CSMD1: variants seen among roughly 807,000 people sequenced by gnomAD.
CSMD1 encodes the protein CUB and sushi domain-containing protein 1.
Under a neutral mutation model 417.5 loss-of-function variants are expected in CSMD1, and 213 were observed. That is an observed-to-expected ratio of 0.51 (90% CI 0.46 to 0.57). The LOEUF (loss-of-function observed/expected upper bound fraction) is 0.57, where lower values mean the gene tolerates loss of function less well. Among genes scored for constraint, CSMD1 ranks in the 20% least tolerant of loss-of-function variants. The pLI is 0.00. For missense variants in CSMD1, 6,923 were observed against 4,529.7 expected (o/e 1.53, Z -15.17); for synonymous variants, 2,862 against 1,736.8 (o/e 1.65, Z -16.11).
At chr8:3,926,412 A>G (rs1042161384) in intron 5 of CSMD1, among the ~76,000 whole-genome samples, 1 of 149,638 alleles carries the variant, frequency 6.7e-6, no homozygotes, top group East Asian at 1.9e-4. Flanking sequence ...TTTTGTTGAG[A>G]TATTACCAGT....
At chr8:4,809,614 G>A (rs1798783109) in intron 1 of CSMD1, among the ~76,000 whole-genome samples, 1 of 152,140 alleles carries the variant, frequency 6.6e-6, no homozygotes, top group South Asian at 2.1e-4. Context: ...GTGCTCTCCA[G>A]TAGAAATAAT....
rs191284651 is a variant in CSMD1 at position 4,570,900 on chromosome 8, T to A, written c.302+66442A>T. On this transcript the variant is annotated intron_variant, in intron 2 of 69. Coordinates refer to ENST00000635120, the MANE Select transcript of CSMD1 (RefSeq NM_033225.6). ...GTATGTGTACCCAGGAATTTGTCCA[T>A]TTCTTCTAGATTTTCTAGTTTATTT... 2.3e-3 allele frequency among the ~76,000 whole-genome samples: 352 copies of A among 152,338 alleles called. 3 individuals are homozygous for A. The highest frequency in any genetic ancestry group is 8.2e-3 in the African/African-American group (341 of 41,570).
chr8:4,399,167 G>A (rs1223881429), intron 3 of CSMD1, among the ~76,000 whole-genome samples: 1 of 152,138 alleles, frequency 6.6e-6, no homozygotes, highest in Admixed American at 6.5e-5. Flanking sequence ...TCAGCATACA[G>A]ATTAATAAAT....
chr8:3,445,434 G>C (rs563859633), intron 12 of CSMD1, among the ~76,000 whole-genome samples: 3 of 152,304 alleles, frequency 2.0e-5, no homozygotes, highest in South Asian at 2.1e-4. Context: ...TTCTCAGAAA[G>C]AGAAAGTGAA....
At chr8:3,999,829 TTAGC>T (rs370458885) in intron 4 of CSMD1, among the ~76,000 whole-genome samples, 98 of 152,308 alleles carry the variant, frequency 6.4e-4, no homozygotes, top group African/African-American at 2.1e-3. Context: ...GTTTTAATAG[TTAGC>T]CAGTCTGTGA....
intron 5 of CSMD1, among the ~76,000 whole-genome samples, chr8:3,969,405 C>T (rs556405452): frequency 1.1e-3 from 167 of 152,268 alleles, no homozygotes; most frequent in Non-Finnish European, 1.8e-3. Flanking sequence ...TCACTTATAC[C>T]TCCTCTTCCA....
chr8:2,992,906 T>A (rs940937150), intron 54 of CSMD1, among the ~76,000 whole-genome samples: 1 of 151,758 alleles, frequency 6.6e-6, no homozygotes, highest in Non-Finnish European at 1.5e-5. Context: ...CGCAGCTGGC[T>A]AATTTTTGTA....
At chr8:3,913,860 T>G (rs1055108086) in intron 5 of CSMD1, among the ~76,000 whole-genome samples, 1 of 151,842 alleles carries the variant, frequency 6.6e-6, no homozygotes, top group African/African-American at 2.4e-5. Flanking sequence ...TTCCTGTGTG[T>G]GTATATATAA....
At chr8:4,178,740 A>G (rs1584966649) in intron 3 of CSMD1, among the ~76,000 whole-genome samples, 2 of 152,202 alleles carry the variant, frequency 1.3e-5, no homozygotes, top group African/African-American at 4.8e-5. Context: ...AAGTCTCAGG[A>G]TACAAAATCA....
At chr8:3,514,212 A>T (rs893620382) in intron 10 of CSMD1, among the ~76,000 whole-genome samples, 1 of 152,162 alleles carries the variant, frequency 6.6e-6, no homozygotes, top group Non-Finnish European at 1.5e-5. Context: ...TGTGTAAAGG[A>T]TACTAAATAA....
chr8:3,817,086 G>T (rs1416097884), intron 5 of CSMD1, among the ~76,000 whole-genome samples: 1 of 151,806 alleles, frequency 6.6e-6, no homozygotes, highest in Admixed American at 6.6e-5. Flanking sequence ...TTGAGATGAG[G>T]TCTCTGGGAA....
At chr8:4,558,207 T>A (rs1035145645) in intron 2 of CSMD1, among the ~76,000 whole-genome samples, 2 of 152,156 alleles carry the variant, frequency 1.3e-5, no homozygotes, top group African/African-American at 4.8e-5. Context: ...TGTGATGTAA[T>A]GTGTCCCCTT....
intron 37 of CSMD1, among the ~76,000 whole-genome samples, chr8:3,172,026 A>G (rs902838161): frequency 3.3e-5 from 5 of 152,284 alleles, no homozygotes; most frequent in South Asian, 4.1e-4. Flanking sequence ...ACTCACTCAA[A>G]AACTAAAGGA....
chr8:3,298,864 AG>A (rs1228776713), intron 25 of CSMD1, among the ~76,000 whole-genome samples: 3 of 152,240 alleles, frequency 2.0e-5, no homozygotes, highest in Non-Finnish European at 4.4e-5. Flanking sequence ...TCCTGAGTCC[AG>A]ATAATTTTCC....
intron 1 of CSMD1, among the ~76,000 whole-genome samples, chr8:4,773,255 G>C (rs1796684870): frequency 6.9e-6 from 1 of 144,700 alleles, no homozygotes; most frequent in Admixed American, 6.8e-5. Flanking sequence ...TCAGATTTTG[G>C]AATTATAGAT....
At chr8:4,727,963 T>C (rs540170870) in intron 1 of CSMD1, among the ~76,000 whole-genome samples, 7 of 29,356 alleles carry the variant, frequency 2.4e-4, no homozygotes, top group Non-Finnish European at 2.2e-4. Context: ...TGTATATATA[T>C]ACAAAATATA....
chr8:4,933,600 G>A (rs1190415747), intron 1 of CSMD1, among the ~76,000 whole-genome samples: 2 of 152,146 alleles, frequency 1.3e-5, no homozygotes, highest in Admixed American at 6.6e-5. Flanking sequence ...AGCCTCTCCG[G>A]CACCAAGTGC....
chr8:3,665,070 A>G (rs1274795158), intron 7 of CSMD1, among the ~76,000 whole-genome samples: 1 of 152,170 alleles, frequency 6.6e-6, no homozygotes, highest in African/African-American at 2.4e-5. Flanking sequence ...ATGACATTCA[A>G]GAAACATCCA....
chr8:4,036,752 G>C (rs972635719), intron 3 of CSMD1, among the ~76,000 whole-genome samples: 1 of 152,180 alleles, frequency 6.6e-6, no homozygotes, highest in Non-Finnish European at 1.5e-5. Flanking sequence ...TTTTACACCA[G>C]GTCCTCAAAT....
Sources: gnomAD v4.1 joint callset for allele counts (sites outside exome capture counted in the v4.1 genomes callset) on GRCh38, gnomAD v4.1.1 for gene constraint, MANE v1.5 for transcripts, NCBI Gene and HGNC (gene_info 2026-07-23, HGNC 2026-07-21) for gene names.